The following TEX14 variants were observed in gnomAD, a reference collection of about 807,000 sequenced individuals.
The protein encoded by TEX14 is inactive serine/threonine-protein kinase TEX14.
Under a neutral mutation model 178.6 loss-of-function variants are expected in TEX14, and 168 were observed. That is an observed-to-expected ratio of 0.94 (90% confidence interval 0.83 to 1.07). The LOEUF (loss-of-function observed/expected upper bound fraction) is 1.07, where lower values mean the gene tolerates loss of function less well. Among genes scored for constraint, TEX14 ranks in the 50% least tolerant of loss-of-function variants. TEX14 has a pLI of 0.00. For synonymous variants in TEX14, 626 were observed against 634.1 expected (o/e 0.99, Z 0.19); for missense variants, 1,730 against 1,753.6 (o/e 0.99, Z 0.24).
intron 11 of TEX14, among the ~76,000 whole-genome samples, chr17:58,603,090 C>T (rs1485558393): frequency 6.6e-6 from 1 of 151,736 alleles, no homozygotes; most frequent in Non-Finnish European, 1.5e-5. Context: ...CCTGGAAGGC[C>T]AATTCATAAG....
At chr17:58,661,443 T>C in intron 1 of TEX14, 1 of 796,876 alleles carries the variant, frequency 1.3e-6, no homozygotes, top group Non-Finnish European at 2.3e-6. Flanking sequence ...TTGGCAACCT[T>C]GTCAAGGAGG....
Position 58,556,929 on chromosome 17 carries a change from A to T in TEX14, c.*82T>A, listed in dbSNP as rs2044147091. 8.7e-7 allele frequency: 1 copy of T among 1,152,184 alleles called. No individual in the cohort carries two copies. The highest frequency in any genetic ancestry group is 1.7e-5 in the Admixed American group (1 of 58,268). 71.4% of individuals were successfully genotyped at this position (1,152,184 alleles called of 1,614,324 possible). A position where few individuals can be genotyped will look rare whatever the true frequency, so the allele number is the denominator to read the frequency against. On this transcript the variant is annotated 3_prime_UTR_variant, in exon 32 of 32. Coordinates refer to ENST00000349033, the MANE Select transcript of TEX14 (RefSeq NM_031272.5). ...AACTGGAACTGCTGCCCTGACAGCA[A>T]CTGAAGCAGAAAGAGAAGAAAGGAG...
chr17:58,609,993 T>C (rs1274627118), intron 10 of TEX14, among the ~76,000 whole-genome samples: 2 of 152,212 alleles, frequency 1.3e-5, no homozygotes, highest in African/African-American at 4.8e-5. Context: ...GTCTGCCCAG[T>C]GGCTGAGGCC....
rs1028689559 is a variant in TEX14 at position 58,683,379 on chromosome 17, CA to C, written c.-2+8559del. The stretch of plus-strand genomic sequence containing the variant: ...CAAAGCAAGACTCCATCCCCCCCCC[CA>C]AAAAAAAAAGGAAATATATGTTTGT... On this transcript the variant is annotated intron_variant, in intron 1 of 31. Coordinates refer to ENST00000349033, the MANE Select transcript of TEX14 (RefSeq NM_031272.5). Among the ~76,000 whole-genome samples the C allele has an allele frequency of 3.0e-3, 402 of 134,830 alleles. 1 individual carries two copies. Among genetic ancestry groups the C allele is most frequent in the Middle Eastern group, 0.019 (5 of 270 alleles). The allele number at this position is 134,830 out of a possible 152,430, so 88.5% of individuals were successfully genotyped here.
intron 28 of TEX14, among the ~76,000 whole-genome samples, chr17:58,563,820 A>C (rs973519458): frequency 1.3e-5 from 2 of 150,284 alleles, no homozygotes; most frequent in African/African-American, 4.9e-5. Context: ...AGACACACAC[A>C]CACACACACA....
chr17:58,683,954 A>G (rs1244556077), intron 1 of TEX14, among the ~76,000 whole-genome samples: 1 of 151,202 alleles, frequency 6.6e-6, no homozygotes, highest in Non-Finnish European at 1.5e-5. Context: ...CATCCCAGCT[A>G]CTCGGGAGGC....
At chr17:58,664,002 C>T (rs78899825) in intron 1 of TEX14, among the ~76,000 whole-genome samples, 3 of 152,170 alleles carry the variant, frequency 2.0e-5, no homozygotes, top group African/African-American at 7.2e-5. Flanking sequence ...CACTGCACTC[C>T]AGCCTAGTGA....
intron 17 of TEX14, among the ~76,000 whole-genome samples, chr17:58,586,698 G>T (rs1053867688): frequency 6.6e-6 from 1 of 151,370 alleles, no homozygotes; most frequent in South Asian, 2.1e-4. Context: ...CTCAAATAAT[G>T]TCATTTTATT....
At chr17:58,590,410 C>T (rs1230768242) in intron 15 of TEX14, among the ~76,000 whole-genome samples, 1 of 152,072 alleles carries the variant, frequency 6.6e-6, no homozygotes, top group Non-Finnish European at 1.5e-5. Flanking sequence ...TCTGAGAATC[C>T]ATCCTGAGGA....
chr17:58,598,747 G>A, intron 14 of TEX14, 129 bp downstream of exon 14: 1 of 944,416 alleles, frequency 1.1e-6, no homozygotes, highest in Non-Finnish European at 1.6e-6. Flanking sequence ...CTCCCACTCA[G>A]GTTACCTGAT....
intron 28 of TEX14, among the ~76,000 whole-genome samples, chr17:58,563,805 CACACAG>C (rs1395092950): frequency 7.2e-6 from 1 of 139,394 alleles, no homozygotes; most frequent in East Asian, 2.1e-4. Flanking sequence ...TGTATACACA[CACACAG>C]ACACACACAC....
At chr17:58,670,473 G>A (rs541959599) in intron 1 of TEX14, among the ~76,000 whole-genome samples, 24 of 151,714 alleles carry the variant, frequency 1.6e-4, no homozygotes, top group Non-Finnish European at 3.2e-4. Flanking sequence ...TAAGGATCAG[G>A]GACCAAGAAA....
chr17:58,669,599 T>C (rs900230583), intron 1 of TEX14, among the ~76,000 whole-genome samples: 1 of 151,402 alleles, frequency 6.6e-6, no homozygotes, highest in Non-Finnish European at 1.5e-5. Context: ...CCAGGTGTGG[T>C]GGCGCATGCC....
In TEX14 at chr17:58,581,835, C is replaced by A. The variant is rs1287384272; in HGVS notation, c.3172-2104G>T. 4 of 1,282,914 alleles carry A rather than the reference C, an allele frequency of 3.1e-6. No individual in the cohort carries two copies. In the Admixed American group the frequency reaches 6.0e-5, roughly 19 times the overall value. The allele number at this position is 1,282,914 out of a possible 1,614,324, so 79.5% of individuals were successfully genotyped here. A position where few individuals can be genotyped will look rare whatever the true frequency, so the allele number is the denominator to read the frequency against. On this transcript the variant is annotated intron_variant, in intron 19 of 31. Transcript: ENST00000349033. ...AACGGGGTTATCTAACACTACCCAG[C>A]AGTCAGTGTGACACTGAGCTGACTC... is the stretch of plus-strand genomic sequence containing the variant.
At chr17:58,570,163 T>A (rs899159764) in intron 25 of TEX14, among the ~76,000 whole-genome samples, 24 of 105,972 alleles carry the variant, frequency 2.3e-4, no homozygotes, top group Non-Finnish European at 4.9e-4. Flanking sequence ...ATTTAAAAGA[T>A]ATGCAAAAAA....
rs187019197 is a variant in TEX14, at chr17:58,683,175, C to A, written c.-2+8764G>T. Among the ~76,000 whole-genome samples the A allele has an allele frequency of 2.2e-3, 338 of 151,094 alleles. 1 individual carries two copies. The highest frequency in any genetic ancestry group is 3.8e-3 in the Non-Finnish European group (259 of 67,838). On this transcript the variant is annotated intron_variant, in intron 1 of 31. Coordinates refer to ENST00000349033, the MANE Select transcript of TEX14 (RefSeq NM_031272.5). ...ATCACTTGAGGTCAAGAGTTCAAGA[C>A]CAGCCTGGGCAACATAGCAAAACCC...
intron 1 of TEX14, among the ~76,000 whole-genome samples, chr17:58,657,366 A>G (rs1373561511): frequency 6.6e-6 from 1 of 152,042 alleles, no homozygotes; most frequent in Non-Finnish European, 1.5e-5. Context: ...TCACTAGCAG[A>G]AGCTCAACAG....
chr17:58,570,307 G>A (rs2044491666), intron 25 of TEX14, 78 bp downstream of exon 25: 1 of 876,746 alleles, frequency 1.1e-6, no homozygotes, highest in Admixed American at 3.1e-5. Context: ...TGAACCTAAT[G>A]TGGCATCAAA....
chr17:58,612,263 T>C (rs1351048939), intron 9 of TEX14, among the ~76,000 whole-genome samples: 1 of 152,194 alleles, frequency 6.6e-6, no homozygotes, highest in Non-Finnish European at 1.5e-5. Context: ...CTGTATTTTC[T>C]GGGTCCACTG....
Sources: gnomAD v4.1 joint callset for allele counts (sites outside exome capture counted in the v4.1 genomes callset) on GRCh38, gnomAD v4.1.1 for gene constraint, MANE v1.5 for transcripts, NCBI Gene and HGNC (gene_info 2026-07-23, HGNC 2026-07-21) for gene names.